The following DCC variants were observed in gnomAD, a reference collection of about 807,000 sequenced individuals.
The protein encoded by DCC is DCC netrin 1 receptor, also known as netrin receptor DCC.
DCC carries 58 observed loss-of-function variants against 172.5 expected under a neutral mutation model. The ratio of observed to expected loss-of-function variants is 0.34; its 90% CI spans 0.27 to 0.42. DCC has a LOEUF of 0.42. DCC is among the 10% of genes least tolerant of loss of function. The pLI is 1.00. For missense variants in DCC, 1,740 were observed against 1,791.0 expected (o/e 0.97, Z 0.51); for synonymous variants, 709 against 644.5 (o/e 1.10, Z -1.52).
intron 7 of DCC, among the ~76,000 whole-genome samples, chr18:53,141,590 T>C (rs930493180): frequency 4.6e-5 from 7 of 152,222 alleles, no homozygotes; most frequent in South Asian, 2.1e-4. Context: ...GAGCGAACTA[T>C]GATGTGTAAG....
intron 1 of DCC, among the ~76,000 whole-genome samples, chr18:52,725,750 G>T (rs572751734): frequency 6.6e-6 from 1 of 152,012 alleles, no homozygotes; most frequent in South Asian, 2.1e-4. Flanking sequence ...TATTACAGAG[G>T]AAAAAAAGAC....
At chr18:52,360,884 A>C (rs562720702) in intron 1 of DCC, among the ~76,000 whole-genome samples, 8 of 152,234 alleles carry the variant, frequency 5.3e-5, no homozygotes, top group South Asian at 2.1e-4. Flanking sequence ...TGCTAGTAAG[A>C]ATGCATTGTT....
chr18:52,369,960 C>A (rs1295303301), intron 1 of DCC, among the ~76,000 whole-genome samples: 1 of 152,064 alleles, frequency 6.6e-6, no homozygotes, highest in African/African-American at 2.4e-5. Flanking sequence ...ACATACAGAG[C>A]TAATTGCAGA....
intron 5 of DCC, among the ~76,000 whole-genome samples, chr18:52,973,087 A>T (rs531263879): frequency 1.3e-5 from 2 of 152,346 alleles, no homozygotes; most frequent in African/African-American, 4.8e-5. Context: ...AGAACCTAGT[A>T]GATATTCAAT....
chr18:53,402,923 A>T (rs1243863845), intron 19 of DCC, 30 bp downstream of exon 19: 1 of 1,487,686 alleles, frequency 6.7e-7, no homozygotes. Context: ...CTCCCAGCAT[A>T]GCTCTCCCTT....
At chr18:52,428,342 G>A (rs1018849456) in intron 1 of DCC, among the ~76,000 whole-genome samples, 1 of 152,038 alleles carries the variant, frequency 6.6e-6, no homozygotes, top group African/African-American at 2.4e-5. Flanking sequence ...TACTCCGTTA[G>A]TACAAGAAAA....
intron 1 of DCC, among the ~76,000 whole-genome samples, chr18:52,748,436 C>A (rs2036943389): frequency 1.3e-5 from 2 of 152,228 alleles, no homozygotes; most frequent in South Asian, 4.1e-4. Flanking sequence ...AGAAGGGTTG[C>A]AGCTCTTCTC....
intron 1 of DCC, among the ~76,000 whole-genome samples, chr18:52,508,842 G>A (rs1598874879): frequency 6.6e-6 from 1 of 152,166 alleles, no homozygotes; most frequent in Non-Finnish European, 1.5e-5. Flanking sequence ...ATGAAAAAAG[G>A]CTATAAGAGG....
chr18:53,037,709 G>A (rs191708775), intron 5 of DCC, among the ~76,000 whole-genome samples: 31 of 152,052 alleles, frequency 2.0e-4, no homozygotes, highest in African/African-American at 5.5e-4. Context: ...CTGAAAGCCC[G>A]GTCTTTGAAA....
At chr18:53,309,755 G>C (rs544057305) in intron 13 of DCC, among the ~76,000 whole-genome samples, 1 of 152,052 alleles carries the variant, frequency 6.6e-6, no homozygotes, top group East Asian at 1.9e-4. Context: ...ATGCCCATTT[G>C]CATCTTCATA....
intron 5 of DCC, among the ~76,000 whole-genome samples, chr18:53,023,336 T>TA (rs375423269): frequency 0.18 from 11,769 of 64,882 alleles, 601 homozygotes; most frequent in East Asian, 0.32. Flanking sequence ...TAGAGTATAA[T>TA]AAAAAAAAAA....
At chr18:53,031,465 G>T (rs942274084) in intron 5 of DCC, among the ~76,000 whole-genome samples, 1 of 152,078 alleles carries the variant, frequency 6.6e-6, no homozygotes, top group African/African-American at 2.4e-5. Context: ...GAGTACTGGA[G>T]ATGAGGGTCC....
intron 7 of DCC, among the ~76,000 whole-genome samples, chr18:53,131,756 A>G (rs1425164776): frequency 6.6e-6 from 1 of 152,138 alleles, no homozygotes; most frequent in Non-Finnish European, 1.5e-5. Context: ...AGTGCCAACC[A>G]AGTGATACAG....
chr18:52,749,900 AAT>A (rs768880289), intron 1 of DCC, among the ~76,000 whole-genome samples: 3 of 152,280 alleles, frequency 2.0e-5, no homozygotes, highest in South Asian at 4.1e-4. Context: ...CTTCTTTATT[AAT>A]GCTACTTGTA....
chr18:52,858,823 C>A (rs960795691), intron 2 of DCC, among the ~76,000 whole-genome samples: 1 of 152,164 alleles, frequency 6.6e-6, no homozygotes, highest in Admixed American at 6.5e-5. Context: ...TGTGTGCAGG[C>A]CCCTGGAATG....
chr18:52,955,545 T>C (rs2040728888), intron 5 of DCC, among the ~76,000 whole-genome samples: 1 of 147,776 alleles, frequency 6.8e-6, no homozygotes, highest in South Asian at 2.2e-4. Flanking sequence ...ACATTGTCAG[T>C]TAAGTTGGGT....
chr18:52,675,344 C>T (rs1423932321), intron 1 of DCC, among the ~76,000 whole-genome samples: 1 of 152,132 alleles, frequency 6.6e-6, no homozygotes, highest in African/African-American at 2.4e-5. Flanking sequence ...TGTGAGCCAC[C>T]ATGCCCGGCC....
At chr18:52,800,529 T>C (rs2037965411) in intron 2 of DCC, among the ~76,000 whole-genome samples, 1 of 152,192 alleles carries the variant, frequency 6.6e-6, no homozygotes, top group Admixed American at 6.5e-5. Context: ...ATAATATGTC[T>C]GGCAGTACAT....
intron 7 of DCC, among the ~76,000 whole-genome samples, chr18:53,110,616 G>C (rs1049858058): frequency 2.0e-5 from 3 of 150,990 alleles, no homozygotes; most frequent in South Asian, 2.1e-4. Flanking sequence ...CTCAAAAGAA[G>C]ACATTTATGC....
Sources: allele counts gnomAD v4.1 joint callset (sites outside exome capture counted in the v4.1 genomes callset), GRCh38; gene constraint gnomAD v4.1.1; transcripts MANE v1.5; gene names NCBI Gene and HGNC (gene_info 2026-07-23, HGNC 2026-07-21).